Variants in SRL observed in about 807,000 individuals in gnomAD.
SRL encodes the protein sarcalumenin.
Under a neutral mutation model 39.5 loss-of-function variants are expected in SRL, and 23 were observed. The observed-to-expected ratio is 0.58, with a 90% confidence interval of 0.42 to 0.82. The LOEUF is 0.82. SRL is among the 40% of genes least tolerant of loss of function. The probability of loss-of-function intolerance (pLI) is 0.00; values close to 1 mark genes in which losing one functional copy is unlikely to be tolerated. For synonymous variants in SRL, 272 were observed against 237.4 expected, an observed-to-expected ratio of 1.15 and a Z score of -1.34; for missense variants, 592 against 607.8, an observed-to-expected ratio of 0.97 and a Z score of 0.27.
rs550224442 is a variant in SRL, at chr16:4,203,243, C to T, written c.182G>A (p.Arg61Gln). The T allele has an allele frequency of 9.3e-6, 15 of 1,614,050 alleles. No individual in the cohort carries two copies. The highest frequency in any genetic ancestry group is 6.7e-5 in the East Asian group (3 of 44,878). ...DDYSAVLQRL[R>Q]KIYHSSIKPL... Reference sequence around the variant, plus strand: ...CTTGATGGATGAGTGGTAGATCTTCCGAAGCCGCTGCAGCACCGCTGGAGA... The same window carrying T: ...CTTGATGGATGAGTGGTAGATCTTCTGAAGCCGCTGCAGCACCGCTGGAGA... Residue 61 changes from arginine to glutamine, a missense_variant, in exon 3 of 6, where the codon CGG becomes CAG. Transcript: ENST00000399609.
chr16:4,217,539 A>C (rs1045736432), intron 1 of SRL, among the ~76,000 whole-genome samples: 1 of 152,156 alleles, frequency 6.6e-6, no homozygotes, highest in Non-Finnish European at 1.5e-5. Flanking sequence ...GGCGTGAGCC[A>C]CTGGCCCCTC....
chr16:4,201,860 T>A (rs2052237654), intron 3 of SRL, among the ~76,000 whole-genome samples: 2 of 150,384 alleles, frequency 1.3e-5, no homozygotes, highest in Admixed American at 6.6e-5. Context: ...TTCACCATGT[T>A]GGCTGGGCTG....
chr16:4,219,987 G>T (rs974621658), intron 1 of SRL, among the ~76,000 whole-genome samples: 1 of 152,012 alleles, frequency 6.6e-6, no homozygotes, highest in Non-Finnish European at 1.5e-5. Flanking sequence ...GCATTCCAGC[G>T]TCTGGGTCAT....
intron 1 of SRL, among the ~76,000 whole-genome samples, chr16:4,229,882 A>G (rs530157908): frequency 1.3e-5 from 2 of 152,244 alleles, no homozygotes; most frequent in East Asian, 3.9e-4. Flanking sequence ...GCCCAAGGCC[A>G]AGACTTTGAG....
At chr16:4,225,515 T>C (rs567713909) in intron 1 of SRL, among the ~76,000 whole-genome samples, 3 of 152,244 alleles carry the variant, frequency 2.0e-5, no homozygotes, top group African/African-American at 7.2e-5. Context: ...GCCCGGGAGT[T>C]TGAGGCTTCA....
chr16:4,229,179 C>G (rs1002400116), intron 1 of SRL, among the ~76,000 whole-genome samples: 1 of 152,084 alleles, frequency 6.6e-6, no homozygotes, highest in African/African-American at 2.4e-5. Context: ...CGCAGTGGCT[C>G]GCAACTGTAA....
At chr16:4,215,593 A>G (rs923839853) in intron 1 of SRL, among the ~76,000 whole-genome samples, 10 of 152,156 alleles carry the variant, frequency 6.6e-5, no homozygotes, top group African/African-American at 2.4e-4. Flanking sequence ...TCAGCTCTCT[A>G]TGGACGCTCT....
intron 3 of SRL, among the ~76,000 whole-genome samples, chr16:4,199,791 G>T (rs1233586712): frequency 6.7e-6 from 1 of 149,518 alleles, no homozygotes; most frequent in Non-Finnish European, 1.5e-5. Flanking sequence ...CTGCCTCCTG[G>T]GTTCAAGCCA....
chr16:4,233,508 A>G (rs769025627), intron 1 of SRL, among the ~76,000 whole-genome samples: 3 of 152,144 alleles, frequency 2.0e-5, no homozygotes, highest in Non-Finnish European at 2.9e-5. Flanking sequence ...CTGCACAGCC[A>G]ACCTTCCCAA....
chr16:4,222,491 T>C (rs1248219733), intron 1 of SRL, among the ~76,000 whole-genome samples: 1 of 152,092 alleles, frequency 6.6e-6, no homozygotes, highest in Non-Finnish European at 1.5e-5. Flanking sequence ...CCCAGGCTGG[T>C]CTTGAACTCC....
chr16:4,226,214 C>G (rs1392333158), intron 1 of SRL, among the ~76,000 whole-genome samples: 1 of 152,238 alleles, frequency 6.6e-6, no homozygotes, highest in Non-Finnish European at 1.5e-5. Flanking sequence ...ATCTACATAA[C>G]TTACTCAGTT....
intron 1 of SRL, among the ~76,000 whole-genome samples, chr16:4,240,444 C>T (rs1399513516): frequency 6.6e-6 from 1 of 152,068 alleles, no homozygotes; most frequent in Non-Finnish European, 1.5e-5. Context: ...TAAAATCCAC[C>T]ACAGTGGATG....
chr16:4,203,331 G>A (rs917167439), intron 2 of SRL, 70 bp from the exon 3 acceptor site: 10 of 1,321,632 alleles, frequency 7.6e-6, no homozygotes, highest in Non-Finnish European at 9.8e-6. Flanking sequence ...CATTGTGGAG[G>A]GGCCTCACCA....
At chr16:4,237,929 G>T (rs2141073101) in intron 1 of SRL, among the ~76,000 whole-genome samples, 1 of 152,226 alleles carries the variant, frequency 6.6e-6, no homozygotes, top group African/African-American at 2.4e-5. Flanking sequence ...ACACTGATGT[G>T]TGTCCCATTT....
rs112830894 is a variant in SRL at position 4,206,205 on chromosome 16, G to C, written c.62-1571C>G. 1.5e-3 allele frequency among the ~76,000 whole-genome samples: 223 copies of C among 152,222 alleles called. 1 individual carries two copies. The highest frequency in any genetic ancestry group is 5.0e-3 in the African/African-American group (209 of 41,530). On this transcript the variant is annotated intron_variant, in intron 1 of 5. Transcript: ENST00000399609. ...TTGAGGGCAGCTTTGGCTGCTTTAGGTGGGCACTTGAGAGTCAACAGCGGT... is the reference window on the plus strand; with the variant it reads ...TTGAGGGCAGCTTTGGCTGCTTTAGCTGGGCACTTGAGAGTCAACAGCGGT...
intron 1 of SRL, among the ~76,000 whole-genome samples, chr16:4,226,995 A>G (rs2052598016): frequency 7.1e-6 from 1 of 141,316 alleles, no homozygotes; most frequent in Non-Finnish European, 1.5e-5. Context: ...TGGGTGGATG[A>G]GTGGGTGGAT....
intron 1 of SRL, among the ~76,000 whole-genome samples, chr16:4,219,173 G>T (rs1466323932): frequency 6.6e-6 from 1 of 152,246 alleles, no homozygotes; most frequent in Admixed American, 6.5e-5. Flanking sequence ...AGAGGAAAAA[G>T]GAGCTTGCCA....
intron 1 of SRL, among the ~76,000 whole-genome samples, chr16:4,214,803 T>C (rs560661583): frequency 2.2e-4 from 34 of 152,008 alleles, no homozygotes; most frequent in Non-Finnish European, 4.0e-4. Flanking sequence ...AGTCTCATTC[T>C]GTCGCCCAGG....
chr16:4,191,923 A>C lies in SRL; in HGVS notation c.*230T>G. The C allele has an allele frequency of 2.1e-6, 1 of 474,058 alleles. No individual in the cohort carries two copies. The highest frequency in any genetic ancestry group is 3.7e-6 in the Non-Finnish European group (1 of 272,914). 29.4% of individuals were successfully genotyped at this position (474,058 alleles called of 1,614,324 possible). The stretch of plus-strand genomic sequence containing the variant: ...AAGCAGGTGGAGGCTGACTTGCCTC[A>C]ATCAGGCCTCCTCATTGAAGCAACA... On this transcript the variant is annotated 3_prime_UTR_variant, in exon 6 of 6. Coordinates refer to ENST00000399609, the MANE Select transcript of SRL (RefSeq NM_001098814.2).
Sources: allele counts gnomAD v4.1 joint callset (sites outside exome capture counted in the v4.1 genomes callset), GRCh38; gene constraint gnomAD v4.1.1; transcripts MANE v1.5; gene names NCBI Gene and HGNC (gene_info 2026-07-23, HGNC 2026-07-21).